Variants in ALK observed in about 807,000 individuals in gnomAD.
ALK encodes the protein ALK receptor tyrosine kinase.
In ALK, 74 loss-of-function variants were observed where a neutral mutation model predicts 163.1. The observed-to-expected ratio is 0.45, with a 90% confidence interval of 0.38 to 0.55. The LOEUF (loss-of-function observed/expected upper bound fraction) is 0.55, where lower values mean the gene tolerates loss of function less well. Ranked by LOEUF, ALK falls within the 20% of genes least tolerant of loss-of-function variation. The probability of loss-of-function intolerance (pLI) is 0.00; values close to 1 mark genes in which losing one functional copy is unlikely to be tolerated. For synonymous variants in ALK, 960 were observed against 843.2 expected (o/e 1.14, Z -2.40); for missense variants, 2,063 against 2,105.3 (o/e 0.98, Z 0.39).
At chr2:29,510,476 G>A (rs1457518285) in intron 4 of ALK, among the ~76,000 whole-genome samples, 6 of 152,094 alleles carry the variant, frequency 3.9e-5, no homozygotes, top group Non-Finnish European at 7.4e-5. Flanking sequence ...TCTTTTTTGG[G>A]AAGTTGCTTA....
At position 29,469,478 on chromosome 2, in the gene ALK, T is replaced by C. The variant is rs961235763; in HGVS notation, c.1154+62437A>G. Among the ~76,000 whole-genome samples, 7 of 152,142 alleles carry C rather than the reference T, an allele frequency of 4.6e-5. No homozygotes were observed. The South Asian group carries it at 8.3e-4, about 18-fold the overall frequency. ...TTCAGGGTGTTCTCTCTCAGAAAGA[T>C]AAAAATCCCATTCAGTCCCAGCATC... On this transcript the variant is annotated intron_variant, in intron 4 of 28. Coordinates refer to ENST00000389048, the MANE Select transcript of ALK (RefSeq NM_004304.5).
At chr2:29,861,698 G>C (rs1431390242) in intron 1 of ALK, among the ~76,000 whole-genome samples, 1 of 152,100 alleles carries the variant, frequency 6.6e-6, no homozygotes, top group African/African-American at 2.4e-5. Flanking sequence ...ATTCTACCAA[G>C]CATTTAAAGA....
chr2:29,272,076 C>A (rs1665403758), intron 11 of ALK, among the ~76,000 whole-genome samples: 2 of 151,104 alleles, frequency 1.3e-5, no homozygotes, highest in Non-Finnish European at 3.0e-5. Flanking sequence ...TGTGGCAGAG[C>A]CTGACTGTTC....
intron 2 of ALK, among the ~76,000 whole-genome samples, chr2:29,709,695 C>G (rs1277705516): frequency 1.3e-5 from 2 of 152,098 alleles, no homozygotes; most frequent in African/African-American, 2.4e-5. Context: ...CCAGACTGTT[C>G]TAATTTGGGG....
chr2:29,297,946 T>A (rs1666246578), intron 8 of ALK, among the ~76,000 whole-genome samples: 1 of 152,214 alleles, frequency 6.6e-6, no homozygotes, highest in South Asian at 2.1e-4. Context: ...AAATATGTCT[T>A]ATGGTAAACT....
At chr2:29,737,850 T>C (rs1679937266) in intron 1 of ALK, among the ~76,000 whole-genome samples, 1 of 152,010 alleles carries the variant, frequency 6.6e-6, no homozygotes, top group Non-Finnish European at 1.5e-5. Context: ...TGTGCCTGCA[T>C]GGAGGGTGGA....
intron 3 of ALK, among the ~76,000 whole-genome samples, chr2:29,532,690 C>T (rs1673152713): frequency 6.6e-6 from 1 of 152,226 alleles, no homozygotes; most frequent in Non-Finnish European, 1.5e-5. Context: ...GCAAGCCAAT[C>T]TTGATTCCAG....
intron 9 of ALK, among the ~76,000 whole-genome samples, chr2:29,292,278 C>T (rs1396677551): frequency 6.6e-6 from 1 of 152,146 alleles, no homozygotes; most frequent in Non-Finnish European, 1.5e-5. Context: ...CATGGTGTTT[C>T]CAAATCCATC....
chr2:29,594,569 C>T (rs1346716780), intron 3 of ALK, among the ~76,000 whole-genome samples: 1 of 151,792 alleles, frequency 6.6e-6, no homozygotes, highest in Admixed American at 6.6e-5. Context: ...GCTAGAATTA[C>T]AGGTGTGCAC....
At chr2:29,713,039 T>C (rs2631973) in intron 2 of ALK, among the ~76,000 whole-genome samples, 1 of 151,952 alleles carries the variant, frequency 6.6e-6, no homozygotes, top group Non-Finnish European at 1.5e-5. Context: ...GGCAGGGCCA[T>C]GCTCTCTCTG....
chr2:29,799,467 G>C (rs911620189), intron 1 of ALK, among the ~76,000 whole-genome samples: 1 of 152,086 alleles, frequency 6.6e-6, no homozygotes, highest in East Asian at 1.9e-4. Context: ...CAGAGTTTGA[G>C]ACCAGCCTGG....
chr2:29,352,582 A>C (rs1265972763), intron 5 of ALK, among the ~76,000 whole-genome samples: 2 of 152,230 alleles, frequency 1.3e-5, no homozygotes, highest in African/African-American at 2.4e-5. Context: ...TTATCTGGGA[A>C]AAGAGAGGTC....
At chr2:29,402,656 T>C (rs1669476803) in intron 4 of ALK, among the ~76,000 whole-genome samples, 1 of 152,226 alleles carries the variant, frequency 6.6e-6, no homozygotes. Context: ...TCAAATCTGA[T>C]GACCAAAATA....
intron 3 of ALK, among the ~76,000 whole-genome samples, chr2:29,550,226 T>C (rs1022897940): frequency 6.6e-6 from 1 of 152,206 alleles, no homozygotes; most frequent in African/African-American, 2.4e-5. Flanking sequence ...GTAAGGTAGT[T>C]ATATGATTAT....
intron 1 of ALK, among the ~76,000 whole-genome samples, chr2:29,740,486 T>A (rs1680027306): frequency 6.6e-6 from 1 of 151,056 alleles, no homozygotes; most frequent in African/African-American, 2.5e-5. Flanking sequence ...CCTTTTGTTC[T>A]CTTATCTTTG....
chr2:29,751,920 T>C (rs1680376442), intron 1 of ALK, among the ~76,000 whole-genome samples: 1 of 152,218 alleles, frequency 6.6e-6, no homozygotes, highest in Admixed American at 6.5e-5. Flanking sequence ...ACAATGATGA[T>C]AATTGTAGCT....
chr2:29,526,955 G>T (rs1287003567), intron 4 of ALK, among the ~76,000 whole-genome samples: 1 of 152,236 alleles, frequency 6.6e-6, no homozygotes, highest in African/African-American at 2.4e-5. Flanking sequence ...GAAGGTATCA[G>T]TGGGCCAGTA....
In ALK at chr2:29,920,156, G is replaced by A. The variant is rs1049819210; in HGVS notation, c.504C>T (p.Phe168=). The A allele has an allele frequency of 4.3e-6, 7 of 1,613,652 alleles. No homozygotes were observed. Among genetic ancestry groups the A allele is most frequent in the African/African-American group, 2.7e-5 (2 of 74,948 alleles). The part of the protein sequence containing the change: ...PGEAAVGLLQ[F]NLSELFSWWI... ...ACCAACTGAACAGCTCGCTGAGATT[G>A]AACTGGAGCAGCCCCACAGCCGCCT... is the stretch of plus-strand genomic sequence containing the variant. The change falls in exon 1 of 29, where the codon TTC becomes TTT. Residue 168 remains phenylalanine (F), a synonymous_variant. Transcript: ENST00000389048.
chr2:29,910,852 T>C (rs1201556814), intron 1 of ALK, among the ~76,000 whole-genome samples: 5 of 151,842 alleles, frequency 3.3e-5, no homozygotes, highest in Non-Finnish European at 7.4e-5. Context: ...AAGGAAAAAA[T>C]TACAGATGGA....
Sources: allele counts gnomAD v4.1 joint callset (sites outside exome capture counted in the v4.1 genomes callset), GRCh38; gene constraint gnomAD v4.1.1; transcripts MANE v1.5; gene names NCBI Gene and HGNC (gene_info 2026-07-23, HGNC 2026-07-21).